Variants in LMNB2 observed in about 807,000 individuals in gnomAD.
LMNB2 encodes lamin-B2.
In LMNB2, 17 loss-of-function variants were observed where a neutral mutation model predicts 69.3. That is an observed-to-expected ratio of 0.25 (90% confidence interval 0.17 to 0.37). The LOEUF is 0.37. Ranked by LOEUF, LMNB2 falls within the 10% of genes least tolerant of loss-of-function variation. LMNB2 has a pLI of 1.00. For missense variants in LMNB2, 789 were observed against 883.6 expected (o/e 0.89, Z 1.36); for synonymous variants, 397 against 389.3 (o/e 1.02, Z -0.23).
intron 1 of LMNB2, among the ~76,000 whole-genome samples, chr19:2,452,497 G>A (rs1254213443): frequency 6.6e-6 from 1 of 151,304 alleles, no homozygotes; most frequent in Non-Finnish European, 1.5e-5. Flanking sequence ...GAAAGCTGAG[G>A]CGGGCAGATC....
chr19:2,446,490 G>A (rs1157267159), intron 1 of LMNB2, among the ~76,000 whole-genome samples: 1 of 152,196 alleles, frequency 6.6e-6, no homozygotes, highest in Non-Finnish European at 1.5e-5. Context: ...CCACCTGCCC[G>A]GCCTCTGCAC....
chr19:2,433,114 C>T (rs1490596508), intron 8 of LMNB2, among the ~76,000 whole-genome samples: 2 of 129,874 alleles, frequency 1.5e-5, no homozygotes, highest in Non-Finnish European at 3.3e-5. Context: ...TCGCATTGGC[C>T]GGCGGCCCCG....
chr19:2,456,565 C>A (rs1277132380), intron 1 of LMNB2, 105 bp downstream of exon 1: 2 of 1,145,862 alleles, frequency 1.7e-6, no homozygotes. Context: ...AGCCGGGGCC[C>A]GTCCCCGTCT....
rs1971691399 is a variant in LMNB2 at position 2,428,467 on chromosome 19, C to T, written c.*2444G>A. On this transcript the variant is annotated 3_prime_UTR_variant, in exon 12 of 12. Coordinates refer to ENST00000325327, the MANE Select transcript of LMNB2 (RefSeq NM_032737.4). ...GTGCAGGCTTCAGACCAACCCCAGC[C>T]AAAGCCGCTGGCATGAGGACAGGTG... The T allele has an allele frequency of 1.3e-5, 2 of 152,256 alleles. No homozygotes were observed. The highest frequency in any genetic ancestry group is 4.1e-4 in the South Asian group (2 of 4,834). 9.4% of individuals were successfully genotyped at this position (152,256 alleles called of 1,614,324 possible). A position where few individuals can be genotyped will look rare whatever the true frequency, so the allele number is the denominator to read the frequency against.
Position 2,432,426 on chromosome 19 carries a change from T to C in LMNB2, c.1580A>G (p.Gln527Arg). 6.4e-7 allele frequency: 1 copy of C among 1,571,656 alleles called. No individual in the cohort carries two copies. Among genetic ancestry groups the C allele is most frequent in the Non-Finnish European group, 8.7e-7 (1 of 1,152,798 alleles). The change falls in exon 9 of 12, where the codon CAG becomes CGG. Residue 527 changes from glutamine to arginine, a missense_variant. By Grantham distance (43) the Gln-to-Arg change is conservative (BLOSUM62 1). This residue lies in a region of LMNB2 where 609 missense variants were observed against 630.9 expected (regional missense o/e 0.97). Transcript: ENST00000325327. ...FTPKYILRAGQMVTVWAAGAG... is the reference protein window; with the variant it reads ...FTPKYILRAGRMVTVWAAGAG... ...TGCCCCACCACCTACCGTGACCATC[T>C]GGCCGGCGCGCAGGATGTACTTGGG...
chr19:2,455,780 G>C (rs576950687), intron 1 of LMNB2, among the ~76,000 whole-genome samples: 1 of 151,746 alleles, frequency 6.6e-6, no homozygotes, highest in South Asian at 2.1e-4. Context: ...CGGTGGGCAG[G>C]GCCTGCCCAG....
Position 2,456,636 on chromosome 19 carries a change from C to G in LMNB2, c.264+34G>C, listed in dbSNP as rs1972093870. On this transcript the variant is annotated intron_variant, in intron 1 of 11. Coordinates refer to ENST00000325327, the MANE Select transcript of LMNB2 (RefSeq NM_032737.4). ...CGCGGTGGGCGGGGCCTGCCGGCTG[C>G]ACCCCCGCCCGGCCCCTAAGCCCCG... 2.1e-6 allele frequency: 3 copies of G among 1,445,048 alleles called. No individual in the cohort carries two copies. The South Asian group carries it at 4.0e-5, about 19-fold the overall frequency. 89.5% of individuals were successfully genotyped at this position (1,445,048 alleles called of 1,614,324 possible). A position where few individuals can be genotyped will look rare whatever the true frequency, so the allele number is the denominator to read the frequency against.
intron 8 of LMNB2, 39 bp from the exon 9 acceptor site, chr19:2,432,562 G>T: frequency 6.6e-7 from 1 of 1,525,016 alleles, no homozygotes; most frequent in Non-Finnish European, 9.1e-7. Flanking sequence ...CAGCCACCAG[G>T]ACTGTGACAC....
chr19:2,453,797 C>T lies in LMNB2; in HGVS notation c.264+2873G>A, dbSNP rs1972057678. Among the ~76,000 whole-genome samples the T allele has an allele frequency of 6.6e-6, 1 of 152,140 alleles. No homozygotes were observed. The highest frequency in any genetic ancestry group is 2.4e-5 in the African/African-American group (1 of 41,422). ...GGTACCTCCCCAGCACTCACCAGGC[C>T]CTGCACCCTCAAAGCTCCCTGCAGC... On this transcript the variant is annotated intron_variant, in intron 1 of 11. Transcript: ENST00000325327. This position sits in a 1 kb window ranked among gnomAD's most constrained non-coding sequence, Gnocchi z 4.4.
At chr19:2,452,571 C>T (rs181300608) in intron 1 of LMNB2, among the ~76,000 whole-genome samples, 160 of 151,338 alleles carry the variant, frequency 1.1e-3, no homozygotes, top group Middle Eastern at 3.5e-3. Flanking sequence ...ACTAAAAATA[C>T]AAAAATTAGC....
In LMNB2 at chr19:2,430,209, C is replaced by A. The variant is rs1462587945; in HGVS notation, c.*702G>T. 1 of 158,190 alleles carries A rather than the reference C, an allele frequency of 6.3e-6. No individual in the cohort carries two copies. The highest frequency in any genetic ancestry group is 2.4e-5 in the African/African-American group (1 of 41,502). 9.8% of individuals were successfully genotyped at this position (158,190 alleles called of 1,614,324 possible). A position where few individuals can be genotyped will look rare whatever the true frequency, so the allele number is the denominator to read the frequency against. On this transcript the variant is annotated 3_prime_UTR_variant, in exon 12 of 12. Coordinates refer to ENST00000325327, the MANE Select transcript of LMNB2 (RefSeq NM_032737.4). ...TGTCCTCATTCTTCCTTCCCCAGGT[C>A]TTCCCCTCCCCTGCCCTGTTGGCCT...
At position 2,430,059 on chromosome 19, in the gene LMNB2, A is replaced by G. The variant is rs1971717476; in HGVS notation, c.*852T>C. On this transcript the variant is annotated 3_prime_UTR_variant, in exon 12 of 12. Coordinates refer to ENST00000325327, the MANE Select transcript of LMNB2 (RefSeq NM_032737.4). ...CACAGCGCTCTCCTCCAGAGGGTCA[A>G]CATGGTGGCGTTCCCTGCAGACAGC... 6.5e-6 allele frequency: 1 copy of G among 152,858 alleles called. No homozygotes were observed. The highest frequency in any genetic ancestry group is 2.4e-5 in the African/African-American group (1 of 41,370). 9.5% of individuals were successfully genotyped at this position (152,858 alleles called of 1,614,324 possible).
At chr19:2,433,799 C>T (rs769834473) in intron 8 of LMNB2, 27 bp downstream of exon 8, 4 of 1,612,594 alleles carry the variant, frequency 2.5e-6, no homozygotes, top group South Asian at 1.1e-5. Flanking sequence ...CACCCCGTTA[C>T]CCCCATGCCC....
intron 2 of LMNB2, 137 bp from the exon 3 acceptor site, chr19:2,438,668 G>A (rs570144937): frequency 1.3e-5 from 14 of 1,068,508 alleles, no homozygotes; most frequent in East Asian, 1.0e-4. Context: ...TCCTGCAGAC[G>A]ACGCGGCCCC....
In LMNB2 at chr19:2,431,867, G is replaced by T. The variant is rs751863330; in HGVS notation, c.1626C>A (p.Pro542=). The T allele has an allele frequency of 1.9e-6, 3 of 1,613,068 alleles. No individual in the cohort carries two copies. The highest frequency in any genetic ancestry group is 1.7e-6 in the Non-Finnish European group (2 of 1,179,900). Residue 542 remains proline, a synonymous_variant, in exon 10 of 12, where the codon CCC becomes CCA. Coordinates refer to ENST00000325327, the MANE Select transcript of LMNB2 (RefSeq NM_032737.4). ...GGCCCTTCCACACCAGCGTCGAGGG[G>T]GGGCTGTGGGCCACCCCCGCACCAG... ...WAAGAGVAHS[P]PSTLVWKGQS...
rs771653260 is a variant in LMNB2 at position 2,431,852 on chromosome 19, C to T, written c.1641G>A (p.Val547=). The T allele has an allele frequency of 1.2e-6, 2 of 1,613,390 alleles. No homozygotes were observed. The highest frequency in any genetic ancestry group is 1.1e-5 in the South Asian group (1 of 91,076). ...TGCCCCAGCTGCTCTGGCCCTTCCA[C>T]ACCAGCGTCGAGGGGGGGCTGTGGG... is the stretch of plus-strand genomic sequence containing the variant. The part of the protein sequence containing the change: ...GVAHSPPSTL[V]WKGQSSWGTG... Residue 547 remains valine, a synonymous_variant, in exon 10 of 12, where the codon GTG becomes GTA. Transcript: ENST00000325327.
Position 2,434,381 on chromosome 19 carries a change from G to C in LMNB2, c.1116C>G (p.Ala372=), listed in dbSNP as rs749108777. ...TCACGTCCAGCAGCTCCTGGTACTC[G>C]GCCAGCTGCTGCTGCATCACGTCCC... is the stretch of plus-strand genomic sequence containing the variant. ...EMRDVMQQQL[A]EYQELLDVKL... is the part of the protein sequence containing the mutation. The change falls in exon 7 of 12, where the codon GCC becomes GCG. Residue 372 remains alanine, a synonymous_variant. Transcript: ENST00000325327. The C allele has an allele frequency of 1.2e-6, 2 of 1,613,184 alleles. No individual in the cohort carries two copies. Among genetic ancestry groups the C allele is most frequent in the Admixed American group, 1.7e-5 (1 of 60,004 alleles).
intron 1 of LMNB2, among the ~76,000 whole-genome samples, chr19:2,445,205 G>A (rs1599338522): frequency 7.1e-6 from 1 of 141,098 alleles, no homozygotes; most frequent in East Asian, 2.1e-4. Context: ...TCCCCTCCCA[G>A]ACCCCTCTGG....
Position 2,453,768 on chromosome 19 carries a change from G to C in LMNB2, c.264+2902C>G, listed in dbSNP as rs1003534417. ...CCAATGGGGCGTCCAGTGGGGCTGG[G>C]GCTGGTACCTCCCCAGCACTCACCA... On this transcript the variant is annotated intron_variant, in intron 1 of 11. Transcript: ENST00000325327. This position sits in a 1 kb window ranked among gnomAD's most constrained non-coding sequence, Gnocchi z 4.4. Among the ~76,000 whole-genome samples the C allele has an allele frequency of 2.0e-4, 31 of 152,134 alleles. No individual in the cohort carries two copies. Among genetic ancestry groups the C allele is most frequent in the African/African-American group, 7.5e-4 (31 of 41,430 alleles).
Sources: allele counts gnomAD v4.1 joint callset (sites outside exome capture counted in the v4.1 genomes callset), GRCh38; gene constraint gnomAD v4.1.1; regional missense constraint gnomAD v4.1.1; non-coding constraint Gnocchi (gnomAD v3.1); transcripts MANE v1.5; gene names NCBI Gene and HGNC (gene_info 2026-07-23, HGNC 2026-07-21).